Variants in BEGAIN observed in about 807,000 individuals in gnomAD.
BEGAIN encodes brain enriched guanylate kinase associated, also known as brain-enriched guanylate kinase-associated protein.
In BEGAIN, 19 loss-of-function variants were observed where a neutral mutation model predicts 35.8. The observed-to-expected ratio is 0.53, with a 90% confidence interval of 0.37 to 0.78. The LOEUF (loss-of-function observed/expected upper bound fraction) is 0.78, where lower values mean the gene tolerates loss of function less well. Ranked by LOEUF, BEGAIN falls within the 30% of genes least tolerant of loss-of-function variation. The pLI is 0.00. For synonymous variants in BEGAIN, 462 were observed against 388.6 expected (o/e 1.19, Z -2.22); for missense variants, 795 against 853.6 (o/e 0.93, Z 0.85).
Position 100,567,835 on chromosome 14 carries a change from C to A in BEGAIN, c.71+76G>T. On this transcript the variant is annotated intron_variant, in intron 2 of 6. Coordinates refer to ENST00000554140, the MANE Select transcript of BEGAIN (RefSeq NM_001385089.1). This position sits in a 1 kb window ranked among gnomAD's most constrained non-coding sequence, Gnocchi z 5.1. ...GGGGGATGCGCTCGGGTGGAGCCCC[C>A]TTCCCCCGCCTTCCCCAGCGCCCTC... 1 of 1,405,802 alleles carries A rather than the reference C, an allele frequency of 7.1e-7. No individual in the cohort carries two copies. 87.1% of individuals were successfully genotyped at this position (1,405,802 alleles called of 1,614,324 possible).
In BEGAIN at chr14:100,560,548, C is replaced by T. The variant is rs141415808; in HGVS notation, c.71+7363G>A. Among the ~76,000 whole-genome samples, 77 of 152,256 alleles carry T rather than the reference C, an allele frequency of 5.1e-4. 2 individuals carry two copies. The East Asian group carries it at 0.013, about 26-fold the overall frequency. ...CCAGGGCAGCCTCCCCTCCCTGGGA[C>T]GGCCATTCCAAATGCCACCACCAGC... On this transcript the variant is annotated intron_variant, in intron 2 of 6. Transcript: ENST00000554140.
rs112085194 is a variant in BEGAIN, at chr14:100,572,461, C to T, written c.43-4522G>A. On this transcript the variant is annotated intron_variant, in intron 1 of 6. Coordinates refer to ENST00000554140, the MANE Select transcript of BEGAIN (RefSeq NM_001385089.1). ...TCCGACTCAGGCCAGCCCCACCCTC[C>T]CTCAGGGCATGGGGCTGGCCTCTCC... Among the ~76,000 whole-genome samples, 71 of 152,292 alleles carry T rather than the reference C, an allele frequency of 4.7e-4. 1 individual carries two copies. The highest frequency in any genetic ancestry group is 1.7e-3 in the African/African-American group (71 of 41,582).
intron 1 of BEGAIN, among the ~76,000 whole-genome samples, chr14:100,579,995 G>A (rs1595153022): frequency 6.6e-6 from 1 of 151,644 alleles, no homozygotes; most frequent in East Asian, 1.9e-4. Context: ...CAAACACGGC[G>A]AGTGTGACCT....
chr14:100,551,573 G>C (rs1210153201), intron 2 of BEGAIN, among the ~76,000 whole-genome samples: 1 of 152,222 alleles, frequency 6.6e-6, no homozygotes, highest in African/African-American at 2.4e-5. Flanking sequence ...AAATGTTAAT[G>C]TAGTTATACC....
intron 5 of BEGAIN, among the ~76,000 whole-genome samples, chr14:100,541,999 AC>A (rs2031700202): frequency 6.6e-6 from 1 of 152,056 alleles, no homozygotes; most frequent in Non-Finnish European, 1.5e-5. Flanking sequence ...CTGGGAAACC[AC>A]TCAAGCTGGC....
intron 1 of BEGAIN, among the ~76,000 whole-genome samples, chr14:100,571,272 C>G (rs964053844): frequency 2.0e-5 from 3 of 152,232 alleles, no homozygotes; most frequent in South Asian, 2.1e-4. Context: ...AGCCCCTGCT[C>G]TCTCCTCACT....
intron 1 of BEGAIN, among the ~76,000 whole-genome samples, chr14:100,574,199 G>C (rs1422370287): frequency 6.6e-6 from 1 of 152,244 alleles, no homozygotes; most frequent in Non-Finnish European, 1.5e-5. Context: ...TGATCAATGG[G>C]AGAGGGAAGA....
intron 2 of BEGAIN, among the ~76,000 whole-genome samples, chr14:100,551,799 T>C (rs2033229027): frequency 6.6e-6 from 1 of 152,024 alleles, no homozygotes; most frequent in African/African-American, 2.4e-5. Flanking sequence ...GAGTCGCACA[T>C]TGATCACTGG....
At chr14:100,562,784 C>T (rs2034378643) in intron 2 of BEGAIN, among the ~76,000 whole-genome samples, 2 of 152,232 alleles carry the variant, frequency 1.3e-5, no homozygotes, top group Admixed American at 1.3e-4. Context: ...CCGCCCCCCA[C>T]TCACTGCCTT....
rs748862594 is a variant in BEGAIN, at chr14:100,538,111, G to C, written c.1697C>G (p.Pro566Arg). The C allele has an allele frequency of 7.7e-6, 12 of 1,565,926 alleles. No individual in the cohort carries two copies. In the South Asian group the frequency reaches 8.3e-5, roughly 11 times the overall value. Residue 566 changes from proline (P) to arginine (R), a missense_variant, in exon 7 of 7, where the codon CCG becomes CGG. Pro to Arg is a moderately radical substitution (Grantham distance 103, BLOSUM62 -2). Around this residue, in one of 3 missense-constraint regions of BEGAIN, gnomAD observed 664 missense variants for 647.7 expected, o/e 1.03. Transcript: ENST00000554140. ...PEQGSRDSLE[P>R]SSMEASPEMH... ...TTCCGGGGAGGCCTCCATGGAGCTCGGCTCCAAGGAGTCCCTGGAACCCTG... is the reference window on the plus strand; with the variant it reads ...TTCCGGGGAGGCCTCCATGGAGCTCCGCTCCAAGGAGTCCCTGGAACCCTG...
In BEGAIN at chr14:100,568,152, G is replaced by A; in HGVS notation, c.43-213C>T. On this transcript the variant is annotated intron_variant, in intron 1 of 6. Transcript: ENST00000554140. This position sits in a 1 kb window ranked among gnomAD's most constrained non-coding sequence, Gnocchi z 7.5. ...CCGCGGCCGAGTAACAGGTGAGCCCGCCCGGGCCGCCGCGCTCCCCGCACC... is the reference window on the plus strand; with the variant it reads ...CCGCGGCCGAGTAACAGGTGAGCCCACCCGGGCCGCCGCGCTCCCCGCACC... The A allele has an allele frequency of 1.1e-6, 1 of 934,318 alleles. No homozygotes were observed. The highest frequency in any genetic ancestry group is 1.3e-6 in the Non-Finnish European group (1 of 779,548). 57.9% of individuals were successfully genotyped at this position (934,318 alleles called of 1,614,324 possible).
At chr14:100,560,176 T>C (rs1317768560) in intron 2 of BEGAIN, among the ~76,000 whole-genome samples, 1 of 152,170 alleles carries the variant, frequency 6.6e-6, no homozygotes, top group Non-Finnish European at 1.5e-5. Context: ...ACTCAAGCTC[T>C]CAGAGCCTCA....
chr14:100,566,392 C>T (rs946766377), intron 2 of BEGAIN, among the ~76,000 whole-genome samples: 4 of 152,222 alleles, frequency 2.6e-5, no homozygotes, highest in South Asian at 4.1e-4. Flanking sequence ...GAGCCTTGGC[C>T]GGGCACAGGG....
chr14:100,563,787 G>A lies in BEGAIN; in HGVS notation c.71+4124C>T, dbSNP rs553942141. On this transcript the variant is annotated intron_variant, in intron 2 of 6. Transcript: ENST00000554140. This position sits in a 1 kb window ranked among gnomAD's most constrained non-coding sequence, Gnocchi z 4.2. ...CCTAAGGTGGCCCAGGCTGCACAGT[G>A]CCCGGCAGTCTGCCAGGGAACAAAC... Among the ~76,000 whole-genome samples, 5 of 152,342 alleles carry A rather than the reference G, an allele frequency of 3.3e-5. No individual in the cohort carries two copies. The highest frequency in any genetic ancestry group is 2.0e-4 in the Admixed American group (3 of 15,310).
At chr14:100,545,286 CTG>C in intron 3 of BEGAIN, 2 of 1,386,552 alleles carry the variant, frequency 1.4e-6, no homozygotes, top group Non-Finnish European at 1.9e-6. Flanking sequence ...GGGCCCAGGA[CTG>C]TATTTCCCCC....
At chr14:100,560,049 T>A (rs946766111) in intron 2 of BEGAIN, among the ~76,000 whole-genome samples, 1 of 151,748 alleles carries the variant, frequency 6.6e-6, no homozygotes, top group African/African-American at 2.4e-5. Context: ...GCTGAGAGGG[T>A]CATGTGGACT....
In BEGAIN at chr14:100,568,564, C is replaced by T; in HGVS notation, c.43-625G>A. On this transcript the variant is annotated intron_variant, in intron 1 of 6. Transcript: ENST00000554140. This position sits in a 1 kb window ranked among gnomAD's most constrained non-coding sequence, Gnocchi z 7.5. ...CGGGCCCCAGGGATTAACCCGTGAG[C>T]GCCCGGCTCGCCGGCGGGGCTCCCT... 1 of 1,250,636 alleles carries T rather than the reference C, an allele frequency of 8.0e-7. No individual in the cohort carries two copies. Among genetic ancestry groups the T allele is most frequent in the Non-Finnish European group, 1.0e-6 (1 of 960,958 alleles). The allele number at this position is 1,250,636 out of a possible 1,614,324, so 77.5% of individuals were successfully genotyped here.
chr14:100,584,708 G>C (rs1290483221), intron 1 of BEGAIN, among the ~76,000 whole-genome samples: 1 of 152,152 alleles, frequency 6.6e-6, no homozygotes, highest in Non-Finnish European at 1.5e-5. Context: ...TGACTGTAAT[G>C]GGTGTTAAGC....
chr14:100,573,499 C>T lies in BEGAIN; in HGVS notation c.43-5560G>A, dbSNP rs555219774. On this transcript the variant is annotated intron_variant, in intron 1 of 6. Transcript: ENST00000554140. This position sits in a 1 kb window ranked among gnomAD's most constrained non-coding sequence, Gnocchi z 4.2. Reference sequence around the variant, plus strand: ...CCCCTGGAGGGATGAATGGGGGCGTCTCTGGCACACCACTGTGTGGAGAGG... The same window carrying T: ...CCCCTGGAGGGATGAATGGGGGCGTTTCTGGCACACCACTGTGTGGAGAGG... Among the ~76,000 whole-genome samples the T allele has an allele frequency of 1.3e-5, 2 of 152,258 alleles. No homozygotes were observed. The highest frequency in any genetic ancestry group is 1.9e-4 in the East Asian group (1 of 5,182).
Sources: allele counts gnomAD v4.1 joint callset (sites outside exome capture counted in the v4.1 genomes callset), GRCh38; gene constraint gnomAD v4.1.1; regional missense constraint gnomAD v4.1.1; non-coding constraint Gnocchi (gnomAD v3.1); transcripts MANE v1.5; gene names NCBI Gene and HGNC (gene_info 2026-07-23, HGNC 2026-07-21).